ANGPT1: variants seen among roughly 807,000 people sequenced by gnomAD.
ANGPT1 encodes angiopoietin-1.
Under a neutral mutation model 62.2 loss-of-function variants are expected in ANGPT1, and 17 were observed. The ratio of observed to expected loss-of-function variants is 0.27; its 90% confidence interval spans 0.19 to 0.41. The LOEUF (loss-of-function observed/expected upper bound fraction) is 0.41, where lower values mean the gene tolerates loss of function less well. Among genes scored for constraint, ANGPT1 ranks in the 10% least tolerant of loss-of-function variants. The probability of loss-of-function intolerance (pLI) is 1.00; values close to 1 mark genes in which losing one functional copy is unlikely to be tolerated. For missense variants in ANGPT1, 478 were observed against 594.9 expected, an observed-to-expected ratio of 0.80 and a Z score of 2.04; for synonymous variants, 199 against 198.9, an observed-to-expected ratio of 1.00 and a Z score of 0.00.
At chr8:107,480,839 T>C (rs1286106231) in intron 1 of ANGPT1, among the ~76,000 whole-genome samples, 4 of 152,182 alleles carry the variant, frequency 2.6e-5, no homozygotes, top group Admixed American at 6.5e-5. Context: ...AGATAGAACA[T>C]GGCTTCACCA....
intron 1 of ANGPT1, among the ~76,000 whole-genome samples, chr8:107,482,295 G>A (rs1213102285): frequency 6.6e-6 from 1 of 152,182 alleles, no homozygotes; most frequent in African/African-American, 2.4e-5. Flanking sequence ...GGGATGGGTT[G>A]TTTCTACTCC....
chr8:107,253,500 T>G (rs1813292416), intron 8 of ANGPT1, among the ~76,000 whole-genome samples: 1 of 152,312 alleles, frequency 6.6e-6, no homozygotes, highest in South Asian at 2.1e-4. Context: ...TTAACTTTTC[T>G]CCTCCTTTTC....
intron 1 of ANGPT1, among the ~76,000 whole-genome samples, chr8:107,398,499 TA>T (rs1177408505): frequency 1.2e-4 from 8 of 69,414 alleles, no homozygotes; most frequent in African/African-American, 1.8e-4. Flanking sequence ...TTTTCTTTTC[TA>T]TTTTTTTTTT....
intron 2 of ANGPT1, among the ~76,000 whole-genome samples, chr8:107,344,812 G>T (rs776891439): frequency 1.2e-4 from 18 of 152,164 alleles, no homozygotes; most frequent in Non-Finnish European, 1.8e-4. Context: ...AGCACAGAAG[G>T]ATCTACTGGT....
At chr8:107,282,438 A>ATG (rs10565769) in intron 7 of ANGPT1, among the ~76,000 whole-genome samples, 9 of 142,916 alleles carry the variant, frequency 6.3e-5, no homozygotes, top group Admixed American at 2.1e-4. Flanking sequence ...ATATGTGTGT[A>ATG]TGTGTGTGTG....
chr8:107,311,755 T>C (rs2130016400), intron 4 of ANGPT1, among the ~76,000 whole-genome samples: 3 of 152,304 alleles, frequency 2.0e-5, no homozygotes, highest in Middle Eastern at 6.8e-3. Flanking sequence ...TGCCTATTAC[T>C]ACCTAAAGTA....
chr8:107,310,955 A>ACG (rs1554581284), intron 4 of ANGPT1, among the ~76,000 whole-genome samples: 1 of 147,310 alleles, frequency 6.8e-6, no homozygotes, highest in African/African-American at 2.5e-5. Context: ...GTGTGTATGT[A>ACG]TGTGTGTGTG....
In ANGPT1 at chr8:107,366,846, ACT is replaced by A. The variant is rs1352716941; in HGVS notation, c.298-19751_298-19750del. Among the ~76,000 whole-genome samples the A allele has an allele frequency of 3.6e-3, 554 of 152,288 alleles. 5 individuals carry two copies. Among genetic ancestry groups the A allele is most frequent in the African/African-American group, 0.013 (533 of 41,562 alleles). On this transcript the variant is annotated intron_variant, in intron 1 of 8. Coordinates refer to ENST00000517746, the MANE Select transcript of ANGPT1 (RefSeq NM_001146.5). ...CTTCAAATATTGCATTGTAAATGGC[ACT>A]ACAGGTTCTATTTGCATTCTGTCTC...
At chr8:107,347,211 G>A in intron 1 of ANGPT1, 114 bp from the exon 2 acceptor site, 1 of 1,076,104 alleles carries the variant, frequency 9.3e-7, no homozygotes, top group Non-Finnish European at 1.3e-6. Flanking sequence ...CCATCTGGCG[G>A]GGATCCTCTA....
chr8:107,389,557 T>C (rs966155799), intron 1 of ANGPT1, among the ~76,000 whole-genome samples: 1 of 152,122 alleles, frequency 6.6e-6, no homozygotes, highest in Non-Finnish European at 1.5e-5. Context: ...CATGTTCCAC[T>C]GGGGGCTCTT....
chr8:107,271,062 T>C (rs983781965), intron 7 of ANGPT1, among the ~76,000 whole-genome samples: 2 of 152,018 alleles, frequency 1.3e-5, no homozygotes, highest in African/African-American at 4.8e-5. Context: ...AAACTCTTCC[T>C]TTTTTCCTCC....
intron 3 of ANGPT1, among the ~76,000 whole-genome samples, chr8:107,324,207 A>ATCTGTATATATG (rs1554582621): frequency 7.0e-6 from 1 of 142,190 alleles, no homozygotes. Flanking sequence ...ATATATATGT[A>ATCTGTATATATG]TATATATATG....
intron 1 of ANGPT1, among the ~76,000 whole-genome samples, chr8:107,454,193 C>T (rs180782899): frequency 1.2e-4 from 19 of 152,114 alleles, no homozygotes; most frequent in South Asian, 6.2e-4. Flanking sequence ...TAGTGCATGG[C>T]GTGTTACATA....
intron 5 of ANGPT1, among the ~76,000 whole-genome samples, chr8:107,302,276 T>C (rs1446493654): frequency 1.3e-5 from 2 of 151,700 alleles, no homozygotes; most frequent in Non-Finnish European, 2.9e-5. Flanking sequence ...AGACAAGTAA[T>C]TTAGGTGGGG....
At chr8:107,305,615 G>A (rs1814696276) in intron 4 of ANGPT1, among the ~76,000 whole-genome samples, 1 of 151,940 alleles carries the variant, frequency 6.6e-6, no homozygotes, top group Non-Finnish European at 1.5e-5. Flanking sequence ...CTATACTTGG[G>A]AAAATGGTTT....
At chr8:107,301,366 G>A (rs1463402527) in intron 5 of ANGPT1, among the ~76,000 whole-genome samples, 2 of 151,794 alleles carry the variant, frequency 1.3e-5, no homozygotes, top group East Asian at 3.9e-4. Flanking sequence ...GTAGGTAAAT[G>A]ATAAAGCAAA....
At chr8:107,341,223 A>C (rs978201088) in intron 2 of ANGPT1, among the ~76,000 whole-genome samples, 2 of 152,198 alleles carry the variant, frequency 1.3e-5, no homozygotes, top group African/African-American at 4.8e-5. Flanking sequence ...CCTCTGCCAC[A>C]ATATTCCATT....
At chr8:107,278,962 C>T (rs1234478850) in intron 7 of ANGPT1, among the ~76,000 whole-genome samples, 1 of 152,180 alleles carries the variant, frequency 6.6e-6, no homozygotes, top group Non-Finnish European at 1.5e-5. Context: ...TGGCTCTGCT[C>T]CCCTGACTGA....
intron 6 of ANGPT1, among the ~76,000 whole-genome samples, 175 bp downstream of exon 6, chr8:107,293,761 C>A (rs1814341132): frequency 6.6e-6 from 1 of 152,118 alleles, no homozygotes; most frequent in South Asian, 2.1e-4. Flanking sequence ...ACGTGGAAAT[C>A]ATTTACTGAA....
Sources: allele counts gnomAD v4.1 joint callset (sites outside exome capture counted in the v4.1 genomes callset), GRCh38; gene constraint gnomAD v4.1.1; transcripts MANE v1.5; gene names NCBI Gene and HGNC (gene_info 2026-07-23, HGNC 2026-07-21).